Variants in SLC7A1 observed in about 807,000 individuals in gnomAD.
The protein encoded by SLC7A1 is high affinity cationic amino acid transporter 1.
SLC7A1 carries 10 observed loss-of-function variants against 53.9 expected under a neutral mutation model. The observed-to-expected ratio is 0.19, with a 90% CI of 0.11 to 0.31. The LOEUF is 0.31. Among genes scored for constraint, SLC7A1 ranks in the 10% least tolerant of loss-of-function variants. SLC7A1 has a pLI of 1.00. For missense variants in SLC7A1, 525 were observed against 827.2 expected (o/e 0.63, Z 4.48); for synonymous variants, 342 against 338.7 (o/e 1.01, Z -0.11).
chr13:29,546,365 G>T (rs937921202), intron 2 of SLC7A1, among the ~76,000 whole-genome samples: 2 of 152,202 alleles, frequency 1.3e-5, no homozygotes, highest in Non-Finnish European at 2.9e-5. Flanking sequence ...TTTAAACAAA[G>T]TTCCCCCAAG....
At chr13:29,537,780 A>G (rs1018065005) in intron 2 of SLC7A1, among the ~76,000 whole-genome samples, 2 of 152,260 alleles carry the variant, frequency 1.3e-5, no homozygotes, top group African/African-American at 4.8e-5. Flanking sequence ...ACTAAGGTAC[A>G]CACAAAAAAT....
chr13:29,528,116 C>T (rs912528967), intron 5 of SLC7A1, among the ~76,000 whole-genome samples: 2 of 152,250 alleles, frequency 1.3e-5, no homozygotes, highest in African/African-American at 2.4e-5. Context: ...CCCTGGGGCG[C>T]CTGGCCTGGA....
chr13:29,566,402 C>T (rs1221184506), intron 1 of SLC7A1, among the ~76,000 whole-genome samples: 3 of 152,250 alleles, frequency 2.0e-5, no homozygotes, highest in East Asian at 1.9e-4. Flanking sequence ...AATGGATAAA[C>T]GAAATGTGGT....
Position 29,513,043 on chromosome 13 carries a change from G to A in SLC7A1, c.*1437C>T, listed in dbSNP as rs1189498368. The A allele has an allele frequency of 6.6e-6, 1 of 152,280 alleles. No individual in the cohort carries two copies. The highest frequency in any genetic ancestry group is 1.5e-5 in the Non-Finnish European group (1 of 68,042). The allele number at this position is 152,280 out of a possible 1,614,324, so 9.4% of individuals were successfully genotyped here. ...CCTCCCCCATCAGCATGGGCCTTCT[G>A]TCTCCTGAAGTAGACTCAGTGGAAC... is the stretch of plus-strand genomic sequence containing the variant. On this transcript the variant is annotated 3_prime_UTR_variant, in exon 13 of 13. Coordinates refer to ENST00000380752, the MANE Select transcript of SLC7A1 (RefSeq NM_003045.5).
At chr13:29,521,056 C>T (rs1868611073) in intron 8 of SLC7A1, among the ~76,000 whole-genome samples, 2 of 152,204 alleles carry the variant, frequency 1.3e-5, no homozygotes, top group African/African-American at 2.4e-5. Context: ...TGATCAAATT[C>T]CACGTAAAGC....
intron 2 of SLC7A1, among the ~76,000 whole-genome samples, chr13:29,542,961 G>A (rs1422539234): frequency 1.3e-5 from 2 of 152,146 alleles, no homozygotes; most frequent in Admixed American, 1.3e-4. Context: ...GTCTACATCT[G>A]GCTGACTCCA....
intron 1 of SLC7A1, among the ~76,000 whole-genome samples, chr13:29,589,166 C>A (rs1020919728): frequency 6.6e-6 from 1 of 152,212 alleles, no homozygotes; most frequent in Non-Finnish European, 1.5e-5. Flanking sequence ...GGGGCACCTC[C>A]GCAAGATATT....
intron 2 of SLC7A1, among the ~76,000 whole-genome samples, chr13:29,540,124 G>GA: frequency 6.6e-6 from 1 of 152,342 alleles, no homozygotes; most frequent in South Asian, 2.1e-4. Context: ...ACTCCGCACA[G>GA]ACTTAGCTAA....
chr13:29,539,236 A>T (rs1421370321), intron 2 of SLC7A1, among the ~76,000 whole-genome samples: 4 of 152,112 alleles, frequency 2.6e-5, no homozygotes, highest in Non-Finnish European at 2.9e-5. Context: ...GAGGAACCAA[A>T]CAGATTCTTG....
At chr13:29,517,441 G>A in intron 10 of SLC7A1, 131 bp from the exon 11 acceptor site, 1 of 1,215,368 alleles carries the variant, frequency 8.2e-7, no homozygotes, top group Non-Finnish European at 1.2e-6. Flanking sequence ...AGTTAACACA[G>A]AGTAACTATG....
intron 2 of SLC7A1, among the ~76,000 whole-genome samples, chr13:29,544,058 G>GGATCC (rs1257616322): frequency 6.6e-6 from 1 of 152,086 alleles, no homozygotes; most frequent in Non-Finnish European, 1.5e-5. Flanking sequence ...GGGAGCGCCG[G>GGATCC]GATCCCACCC....
chr13:29,513,115 G>A lies in SLC7A1; in HGVS notation c.*1365C>T, dbSNP rs1883442208. On this transcript the variant is annotated 3_prime_UTR_variant, in exon 13 of 13. Transcript: ENST00000380752. ...CCTCTGGCTCCCATCTACAAGGAGTGTGTGTGAAATGGTGCTGGCCGCAGG... is the reference window on the plus strand; with the variant it reads ...CCTCTGGCTCCCATCTACAAGGAGTATGTGTGAAATGGTGCTGGCCGCAGG... 1 of 152,314 alleles carries A rather than the reference G, an allele frequency of 6.6e-6. No homozygotes were observed. The highest frequency in any genetic ancestry group is 6.5e-5 in the Admixed American group (1 of 15,290). The allele number at this position is 152,314 out of a possible 1,614,324, so 9.4% of individuals were successfully genotyped here.
At chr13:29,548,560 C>A (rs1403693980) in intron 2 of SLC7A1, among the ~76,000 whole-genome samples, 1 of 152,174 alleles carries the variant, frequency 6.6e-6, no homozygotes, top group Admixed American at 6.5e-5. Context: ...AAAGGAAGAG[C>A]ATCCATAAAA....
At chr13:29,522,076 T>C (rs956141759) in intron 8 of SLC7A1, among the ~76,000 whole-genome samples, 4 of 151,822 alleles carry the variant, frequency 2.6e-5, no homozygotes, top group Non-Finnish European at 5.9e-5. Context: ...GCTCCGCCCA[T>C]TGAGATGAAA....
intron 1 of SLC7A1, among the ~76,000 whole-genome samples, chr13:29,560,089 A>AT (rs1400954528): frequency 1.3e-5 from 2 of 151,922 alleles, no homozygotes; most frequent in Non-Finnish European, 2.9e-5. Flanking sequence ...GTACAAAAAT[A>AT]TTTTTTATGT....
chr13:29,527,252 G>A (rs1191885413), intron 5 of SLC7A1, among the ~76,000 whole-genome samples: 1 of 152,152 alleles, frequency 6.6e-6, no homozygotes, highest in African/African-American at 2.4e-5. Context: ...CAATTAGAAA[G>A]TTTACCTGTG....
Position 29,523,405 on chromosome 13 carries a change from C to T in SLC7A1, c.910G>A (p.Val304Met). 1 of 1,613,892 alleles carries T rather than the reference C, an allele frequency of 6.2e-7. No homozygotes were observed. Among genetic ancestry groups the T allele is most frequent in the Non-Finnish European group, 8.5e-7 (1 of 1,180,022 alleles). The change falls in exon 7 of 13, where the codon GTG (valine) becomes ATG (methionine). Residue 304 changes from valine (V) to methionine (M), a missense_variant. Val to Met is a conservative substitution (Grantham distance 21). Transcript: ENST00000380752. ...LLICFIAYFG[V>M]SAALTLMMPY... Reference sequence around the variant, plus strand: ...ATCATGAGCGTGAGGGCAGCCGACACCCCAAAGTAGGCGATGAAGCAGATC... The same window carrying T: ...ATCATGAGCGTGAGGGCAGCCGACATCCCAAAGTAGGCGATGAAGCAGATC...
chr13:29,589,240 G>C (rs1474488207), intron 1 of SLC7A1, among the ~76,000 whole-genome samples: 1 of 152,262 alleles, frequency 6.6e-6, no homozygotes, highest in Admixed American at 6.5e-5. Context: ...AAGAAGGATG[G>C]AACACAGAAA....
intron 7 of SLC7A1, among the ~76,000 whole-genome samples, chr13:29,522,690 C>G (rs187239948): frequency 3.3e-5 from 5 of 152,346 alleles, no homozygotes; most frequent in Admixed American, 2.6e-4. Context: ...GAACATCTAT[C>G]TAACATACAC....
Sources: gnomAD v4.1 joint callset for allele counts (sites outside exome capture counted in the v4.1 genomes callset) on GRCh38, gnomAD v4.1.1 for gene constraint, MANE v1.5 for transcripts, NCBI Gene and HGNC (gene_info 2026-07-23, HGNC 2026-07-21) for gene names.